CLSTN2: variants seen among roughly 807,000 people sequenced by gnomAD.
The protein encoded by CLSTN2 is calsyntenin-2.
A neutral mutation model predicts 101.2 loss-of-function variants in CLSTN2; 48 were observed. The ratio of observed to expected loss-of-function variants is 0.47; its 90% CI spans 0.38 to 0.60. The LOEUF is 0.60. Among genes scored for constraint, CLSTN2 ranks in the 20% least tolerant of loss-of-function variants. The pLI is 0.00. For missense variants in CLSTN2, 1,160 were observed against 1,238.2 expected, an observed-to-expected ratio of 0.94 and a Z score of 0.95; for synonymous variants, 481 against 463.6, an observed-to-expected ratio of 1.04 and a Z score of -0.48.
chr3:140,351,599 C>A (rs1203448320), intron 2 of CLSTN2, among the ~76,000 whole-genome samples: 1 of 152,174 alleles, frequency 6.6e-6, no homozygotes, highest in Non-Finnish European at 1.5e-5. Flanking sequence ...AGGTCTCTAT[C>A]ACAACTACTC....
chr3:140,169,470 T>C (rs1258589449), intron 1 of CLSTN2, among the ~76,000 whole-genome samples: 1 of 152,166 alleles, frequency 6.6e-6, no homozygotes, highest in Admixed American at 6.6e-5. Context: ...TTTTCTTGCC[T>C]TATTGCACTG....
At chr3:140,447,393 C>T (rs899266899) in intron 5 of CLSTN2, among the ~76,000 whole-genome samples, 9 of 152,190 alleles carry the variant, frequency 5.9e-5, no homozygotes, top group African/African-American at 2.2e-4. Context: ...AAACACATGT[C>T]GTCAGTCACT....
At chr3:139,974,342 C>T (rs1224288078) in intron 1 of CLSTN2, among the ~76,000 whole-genome samples, 1 of 152,174 alleles carries the variant, frequency 6.6e-6, no homozygotes, top group African/African-American at 2.4e-5. Context: ...AAGACATGTT[C>T]ACACCTTCCT....
intron 1 of CLSTN2, among the ~76,000 whole-genome samples, chr3:140,156,205 G>A (rs528071590): frequency 6.6e-6 from 1 of 152,258 alleles, no homozygotes; most frequent in Admixed American, 6.5e-5. Context: ...AAGAGTCTGA[G>A]GTCATGTTCA....
At chr3:140,118,789 T>C (rs1396548760) in intron 1 of CLSTN2, among the ~76,000 whole-genome samples, 3 of 152,168 alleles carry the variant, frequency 2.0e-5, no homozygotes, top group African/African-American at 7.2e-5. Flanking sequence ...GGATGACATG[T>C]TCTCTACTAA....
intron 2 of CLSTN2, among the ~76,000 whole-genome samples, chr3:140,362,930 T>C (rs1032691623): frequency 2.6e-5 from 4 of 152,292 alleles, no homozygotes; most frequent in Admixed American, 2.6e-4. Flanking sequence ...GGCAGTTTCC[T>C]AAAACGTTAA....
Position 140,405,389 on chromosome 3 carries a change from G to A in CLSTN2, c.637+623G>A, listed in dbSNP as rs540582351. Among the ~76,000 whole-genome samples the A allele has an allele frequency of 1.5e-3, 224 of 152,160 alleles. 1 individual carries two copies. Among genetic ancestry groups the A allele is most frequent in the African/African-American group, 5.1e-3 (213 of 41,512 alleles). On this transcript the variant is annotated intron_variant, in intron 4 of 16. Coordinates refer to ENST00000458420, the MANE Select transcript of CLSTN2 (RefSeq NM_022131.3). Reference sequence around the variant, plus strand: ...ATTACAAGCGTGCGCCACCATGCTCGGCTAATTTTGTATTTTTAGTGGAGA... The same window carrying A: ...ATTACAAGCGTGCGCCACCATGCTCAGCTAATTTTGTATTTTTAGTGGAGA...
chr3:140,506,604 C>G (rs971451382), intron 8 of CLSTN2: 4 of 152,230 alleles, frequency 2.6e-5, no homozygotes, highest in African/African-American at 9.7e-5. Context: ...CATCGATCCA[C>G]TTCCCCTCCA....
chr3:140,281,971 C>A (rs1223680403), intron 2 of CLSTN2, among the ~76,000 whole-genome samples: 1 of 151,944 alleles, frequency 6.6e-6, no homozygotes, highest in African/African-American at 2.4e-5. Flanking sequence ...ACACTAATCC[C>A]AATGAAATAA....
intron 2 of CLSTN2, among the ~76,000 whole-genome samples, chr3:140,339,456 C>T (rs1310886142): frequency 6.6e-6 from 1 of 152,134 alleles, no homozygotes; most frequent in Non-Finnish European, 1.5e-5. Flanking sequence ...AATCTCAAAG[C>T]TAGAAGGGCC....
intron 1 of CLSTN2, among the ~76,000 whole-genome samples, chr3:139,993,112 G>A (rs546759667): frequency 1.3e-5 from 2 of 152,240 alleles, no homozygotes; most frequent in South Asian, 2.1e-4. Flanking sequence ...ATGGGAGGGG[G>A]CGGTCAGTCA....
rs115385470 is a variant in CLSTN2 at position 140,025,927 on chromosome 3, A to G, written c.109+90444A>G. Among the ~76,000 whole-genome samples, 1,235 of 152,284 alleles carry G rather than the reference A, an allele frequency of 8.1e-3. 9 individuals are homozygous for G. Among genetic ancestry groups the G allele is most frequent in the Middle Eastern group, 0.024 (7 of 294 alleles). On this transcript the variant is annotated intron_variant, in intron 1 of 16. Coordinates refer to ENST00000458420, the MANE Select transcript of CLSTN2 (RefSeq NM_022131.3). ...AGTGGGAACTGAGCAAGTACCGCGCATGTGGAGTCAAGGGCTCTGTGGTTG... is the reference window on the plus strand; with the variant it reads ...AGTGGGAACTGAGCAAGTACCGCGCGTGTGGAGTCAAGGGCTCTGTGGTTG...
At chr3:140,518,165 G>T (rs369587922) in intron 8 of CLSTN2, among the ~76,000 whole-genome samples, 23 of 152,104 alleles carry the variant, frequency 1.5e-4, no homozygotes, top group Non-Finnish European at 3.1e-4. Context: ...CAACAGCACC[G>T]AGTTTATTTC....
At chr3:140,365,153 G>C (rs1282652380) in intron 2 of CLSTN2, among the ~76,000 whole-genome samples, 1 of 152,154 alleles carries the variant, frequency 6.6e-6, no homozygotes, top group East Asian at 1.9e-4. Context: ...CCTCAGCAAG[G>C]ACTAGGCTAG....
rs2009276541 is a variant in CLSTN2 at position 140,118,101 on chromosome 3, G to T, written c.110-57850G>T. Among the ~76,000 whole-genome samples the T allele has an allele frequency of 2.0e-5, 3 of 152,132 alleles. No individual in the cohort carries two copies. The South Asian group carries it at 6.3e-4, about 32-fold the overall frequency. ...ATCTAATATTGGTGTCTTATAAAAA[G>T]AGAAGATTAGGACAGACACAGGAAG... On this transcript the variant is annotated intron_variant, in intron 1 of 16. Transcript: ENST00000458420.
chr3:140,120,829 G>C (rs999200692), intron 1 of CLSTN2, among the ~76,000 whole-genome samples: 1 of 152,172 alleles, frequency 6.6e-6, no homozygotes, highest in Non-Finnish European at 1.5e-5. Flanking sequence ...ACCTGGGCTG[G>C]AGAATTTCTC....
chr3:140,196,711 C>T (rs1426068980), intron 2 of CLSTN2, among the ~76,000 whole-genome samples: 1 of 152,212 alleles, frequency 6.6e-6, no homozygotes, highest in Non-Finnish European at 1.5e-5. Flanking sequence ...CCACTCTCAT[C>T]TACTGTACAG....
intron 8 of CLSTN2, among the ~76,000 whole-genome samples, chr3:140,512,357 G>A (rs902637980): frequency 1.3e-5 from 2 of 152,048 alleles, no homozygotes; most frequent in Admixed American, 6.6e-5. Flanking sequence ...CTCCCAGCAC[G>A]ATTTATTAAA....
intron 2 of CLSTN2, among the ~76,000 whole-genome samples, chr3:140,353,862 A>G (rs1271440159): frequency 1.3e-5 from 2 of 152,188 alleles, no homozygotes; most frequent in Non-Finnish European, 2.9e-5. Flanking sequence ...TCCTGGGTTC[A>G]ACTAAACAGG....
Sources: allele counts gnomAD v4.1 joint callset (sites outside exome capture counted in the v4.1 genomes callset), GRCh38; gene constraint gnomAD v4.1.1; transcripts MANE v1.5; gene names NCBI Gene and HGNC (gene_info 2026-07-23, HGNC 2026-07-21).